MRPL18: variants seen among roughly 807,000 people sequenced by gnomAD.
MRPL18 encodes the protein large ribosomal subunit protein uL18m.
Under a neutral mutation model 20.9 loss-of-function variants are expected in MRPL18, and 16 were observed. The observed-to-expected ratio is 0.76, with a 90% CI of 0.52 to 1.16. The LOEUF (loss-of-function observed/expected upper bound fraction) is 1.16. Ranked by LOEUF, MRPL18 falls within the 50% of genes most tolerant of loss-of-function variation. MRPL18 has a pLI of 0.00. For missense variants in MRPL18, 233 were observed against 230.6 expected (o/e 1.01, Z -0.07); for synonymous variants, 91 against 87.1 (o/e 1.04, Z -0.25).
intron 2 of MRPL18, among the ~76,000 whole-genome samples, chr6:159,795,439 G>A (rs1781007491): frequency 6.6e-6 from 1 of 150,922 alleles, no homozygotes; most frequent in African/African-American, 2.4e-5. Flanking sequence ...TGAGATTAGG[G>A]AGTGGTGATG....
At chr6:159,790,203 A>AGGTGGGGTGT (rs936396175), upstream of MRPL18, 8 of 298,706 alleles carry the variant, frequency 2.7e-5, no homozygotes, top group Non-Finnish European at 4.6e-5. Context: ...CGCGGTGCCC[A>AGGTGGGGTGT]GGTGGGGTGT....
chr6:159,790,447 G>T, upstream of MRPL18: 1 of 1,026,438 alleles, frequency 9.7e-7, no homozygotes, highest in East Asian at 2.5e-5. Flanking sequence ...GCTACTTCCG[G>T]GTCGGTGGCG....
At chr6:159,792,751 C>T (rs1179678515) in intron 2 of MRPL18, among the ~76,000 whole-genome samples, 1 of 152,208 alleles carries the variant, frequency 6.6e-6, no homozygotes, top group Non-Finnish European at 1.5e-5. Context: ...AATCTTCCCA[C>T]CTCAGCCTCC....
intron 2 of MRPL18, among the ~76,000 whole-genome samples, chr6:159,793,911 CA>C (rs200962587): frequency 1.4e-3 from 183 of 132,126 alleles, no homozygotes; most frequent in Admixed American, 1.9e-3. Flanking sequence ...GACTCCGTCT[CA>C]AAAAAAAAAA....
At position 159,797,446 on chromosome 6, in the gene MRPL18, A is replaced by G; in HGVS notation, c.399A>G (p.Ala133=). The G allele has an allele frequency of 6.2e-7, 1 of 1,614,218 alleles. No individual in the cohort carries two copies. Among genetic ancestry groups the G allele is most frequent in the South Asian group, 1.1e-5 (1 of 91,078 alleles). Residue 133 remains alanine (A), a synonymous_variant, in exon 3 of 4, where the codon GCA becomes GCG. Transcript: ENST00000367034. ...VACESIGRVL[A]QRCLEAGINF... ...GTGAGAGTATAGGACGAGTGCTGGC[A>G]CAGAGATGCTTAGAGGCGGGAATCA...
upstream of MRPL18, chr6:159,790,445 C>T (rs1014302142): frequency 2.0e-6 from 2 of 1,005,852 alleles, no homozygotes. Flanking sequence ...TTGCTACTTC[C>T]GGGTCGGTGG....
At chr6:159,790,767 C>A in intron 1 of MRPL18, 128 bp downstream of exon 1, 1 of 1,419,988 alleles carries the variant, frequency 7.0e-7, no homozygotes, top group Non-Finnish European at 9.7e-7. Flanking sequence ...GCGAAGACCA[C>A]AGTAGGAAGT....
intron 1 of MRPL18, 43 bp from the exon 2 acceptor site, chr6:159,790,894 CATA>C (rs2115004155): frequency 6.2e-7 from 1 of 1,607,926 alleles, no homozygotes; most frequent in East Asian, 2.2e-5. Context: ...GTGCGCTGTC[CATA>C]TCCGTCATTT....
chr6:159,794,376 TGTTA>T (rs1780981634), intron 2 of MRPL18, among the ~76,000 whole-genome samples: 1 of 152,144 alleles, frequency 6.6e-6, no homozygotes, highest in African/African-American at 2.4e-5. Context: ...AACCTTTCTG[TGTTA>T]GTTTCTGCAG....
At position 159,790,694 on chromosome 6, in the gene MRPL18, A is replaced by G. The variant is rs564565099; in HGVS notation, c.52+55A>G. Reference sequence around the variant, plus strand: ...TCACTCGCCTGGGCTTGCACAGTACATTGGAACGTGCGGGTTCTATTTTGT... The same window carrying G: ...TCACTCGCCTGGGCTTGCACAGTACGTTGGAACGTGCGGGTTCTATTTTGT... On this transcript the variant is annotated intron_variant, in intron 1 of 3. Transcript: ENST00000367034. 1.5e-5 allele frequency: 24 copies of G among 1,601,770 alleles called. No individual in the cohort carries two copies. The Admixed American group carries it at 2.4e-4, about 16-fold the overall frequency.
intron 2 of MRPL18, among the ~76,000 whole-genome samples, chr6:159,794,282 T>TGA (rs1262246647): frequency 6.6e-6 from 1 of 152,214 alleles, no homozygotes; most frequent in Non-Finnish European, 1.5e-5. Context: ...TCATGGTAGT[T>TGA]AAGAGCATTG....
rs1780840641 is a variant in MRPL18, at chr6:159,790,466, GGA to G, written c.-118_-117del. On this transcript the variant is annotated 5_prime_UTR_variant, in exon 1 of 4. Transcript: ENST00000367034. ...CTTCCGGGTCGGTGGCGTCTGGCGTGGAGAGTTTGGGGATCTACAGCAGCCAA... is the reference window on the plus strand; with the variant it reads ...CTTCCGGGTCGGTGGCGTCTGGCGTGGAGTTTGGGGATCTACAGCAGCCAA... 3 of 1,318,080 alleles carry G rather than the reference GGA, an allele frequency of 2.3e-6. No homozygotes were observed. The highest frequency in any genetic ancestry group is 3.2e-6 in the Non-Finnish European group (3 of 933,024). The allele number at this position is 1,318,080 out of a possible 1,614,324, so 81.6% of individuals were successfully genotyped here. A position where few individuals can be genotyped will look rare whatever the true frequency, so the allele number is the denominator to read the frequency against.
intron 2 of MRPL18, among the ~76,000 whole-genome samples, chr6:159,793,733 C>A (rs1172041516): frequency 1.3e-5 from 2 of 152,074 alleles, no homozygotes; most frequent in South Asian, 2.1e-4. Context: ...CACGGTGAAA[C>A]CCCGTCTCTA....
chr6:159,795,853 G>A (rs111461592), intron 2 of MRPL18, among the ~76,000 whole-genome samples: 3,086 of 152,138 alleles, frequency 0.02, 55 homozygotes, highest in Middle Eastern at 0.051. Context: ...GCATTATCAC[G>A]GCTCACTGCA....
chr6:159,791,006 A>C lies in MRPL18; in HGVS notation c.119A>C (p.Glu40Ala). 1 of 1,614,234 alleles carries C rather than the reference A, an allele frequency of 6.2e-7. No individual in the cohort carries two copies. The highest frequency in any genetic ancestry group is 1.1e-5 in the South Asian group (1 of 91,090). ...PAAKPEVDPV[E>A]NEAVAPEFTN... ...GCGAAACCTGAAGTGGACCCTGTGG[A>C]AAATGAAGCTGTCGCCCCAGAATTC... The change falls in exon 2 of 4, where the codon GAA becomes GCA. Residue 40 changes from glutamate (E) to alanine (A), a missense_variant. Transcript: ENST00000367034.
chr6:159,798,266 ATCC>A lies in MRPL18; in HGVS notation c.*150_*152del, dbSNP rs1166230845. On this transcript the variant is annotated 3_prime_UTR_variant, in exon 4 of 4. Transcript: ENST00000367034. ...TGGAATATTATTTGTAGTTAAGGTC[ATCC>A]TCCTCCCCTTTCTGTTTTTTTAAAT... 1 of 602,816 alleles carries A rather than the reference ATCC, an allele frequency of 1.7e-6. No homozygotes were observed. Among genetic ancestry groups the A allele is most frequent in the Admixed American group, 3.5e-5 (1 of 28,720 alleles). The allele number at this position is 602,816 out of a possible 1,614,324, so 37.3% of individuals were successfully genotyped here. A position where few individuals can be genotyped will look rare whatever the true frequency, so the allele number is the denominator to read the frequency against.
chr6:159,796,456 A>C (rs115943214), intron 2 of MRPL18, among the ~76,000 whole-genome samples: 1,915 of 150,438 alleles, frequency 0.013, 31 homozygotes, highest in African/African-American at 0.044. Flanking sequence ...CTCTAGCCTG[A>C]GAGACAGAGG....
chr6:159,790,072 G>C (rs1028134533), upstream of MRPL18: 1 of 180,274 alleles, frequency 5.5e-6, no homozygotes, highest in Non-Finnish European at 1.2e-5. Context: ...TAAGTTTAAG[G>C]GCGCGAACCT....
In MRPL18 at chr6:159,797,269, T is replaced by C; in HGVS notation, c.240-18T>C. On this transcript the variant is annotated intron_variant, in intron 2 of 3. Transcript: ENST00000367034. The stretch of plus-strand genomic sequence containing the variant: ...TACAGATTCTTCTGTGATTTTATTA[T>C]CTTCTCACCCCATTTAGGTTGCGAG... The C allele has an allele frequency of 6.3e-7, 1 of 1,599,108 alleles. No homozygotes were observed. Among genetic ancestry groups the C allele is most frequent in the Non-Finnish European group, 8.6e-7 (1 of 1,166,442 alleles).
Sources: allele counts gnomAD v4.1 joint callset (sites outside exome capture counted in the v4.1 genomes callset), GRCh38; gene constraint gnomAD v4.1.1; transcripts MANE v1.5; gene names NCBI Gene and HGNC (gene_info 2026-07-23, HGNC 2026-07-21).